The following COMMD10 variants were observed in gnomAD, a reference collection of about 807,000 sequenced individuals.
The protein encoded by COMMD10 is COMM domain containing 10, also known as COMM domain-containing protein 10.
Under a neutral mutation model 28.9 loss-of-function variants are expected in COMMD10, and 33 were observed. The observed-to-expected ratio is 1.14, with a 90% CI of 0.87 to 1.53. The LOEUF (loss-of-function observed/expected upper bound fraction) is 1.53. COMMD10 is among the 40% of genes most tolerant of loss of function. The pLI is 0.00. For synonymous variants in COMMD10, 110 were observed against 81.7 expected, an observed-to-expected ratio of 1.35 and a Z score of -1.87; for missense variants, 310 against 233.4, an observed-to-expected ratio of 1.33 and a Z score of -2.14.
chr5:116,233,413 A>ATG (rs1198064445), intron 5 of COMMD10, among the ~76,000 whole-genome samples: 3 of 152,198 alleles, frequency 2.0e-5, no homozygotes, highest in Non-Finnish European at 2.9e-5. Flanking sequence ...AGGACTTGAA[A>ATG]TATATCTCCC....
intron 4 of COMMD10, among the ~76,000 whole-genome samples, chr5:116,103,161 T>A (rs193128274): frequency 1.3e-5 from 2 of 152,318 alleles, no homozygotes; most frequent in African/African-American, 4.8e-5. Flanking sequence ...GTAGAATGAT[T>A]TATAATCCTT....
chr5:116,112,406 C>T (rs1026363192), intron 4 of COMMD10, among the ~76,000 whole-genome samples: 3 of 150,006 alleles, frequency 2.0e-5, no homozygotes, highest in African/African-American at 7.4e-5. Context: ...GATTTTTTTT[C>T]TTTTTTTTTG....
chr5:116,123,812 C>T (rs985779827), intron 4 of COMMD10, among the ~76,000 whole-genome samples: 2 of 151,918 alleles, frequency 1.3e-5, no homozygotes, highest in Non-Finnish European at 2.9e-5. Flanking sequence ...GTGTATGTGT[C>T]CAGGAATTTA....
chr5:116,166,235 T>C (rs1442576633), intron 5 of COMMD10, among the ~76,000 whole-genome samples: 1 of 78,232 alleles, frequency 1.3e-5, no homozygotes, highest in East Asian at 3.1e-4. Context: ...GATGCAAAGA[T>C]TGTTTTTTAT....
intron 5 of COMMD10, among the ~76,000 whole-genome samples, chr5:116,200,790 C>G (rs1280672229): frequency 6.6e-6 from 1 of 151,988 alleles, no homozygotes; most frequent in African/African-American, 2.4e-5. Flanking sequence ...CTTGTACTTC[C>G]CATCTGTTAT....
intron 5 of COMMD10, among the ~76,000 whole-genome samples, chr5:116,179,403 A>T (rs1277695250): frequency 6.6e-6 from 1 of 152,098 alleles, no homozygotes; most frequent in African/African-American, 2.4e-5. Context: ...CAGACTAAGA[A>T]CGCAGGTTTC....
chr5:116,236,116 G>T (rs1220337619), intron 5 of COMMD10, among the ~76,000 whole-genome samples: 1 of 151,970 alleles, frequency 6.6e-6, no homozygotes, highest in Non-Finnish European at 1.5e-5. Flanking sequence ...AGGAGGAAAT[G>T]TAGATAACCT....
intron 4 of COMMD10, among the ~76,000 whole-genome samples, chr5:116,097,683 G>T (rs1202547077): frequency 1.3e-5 from 2 of 152,144 alleles, no homozygotes; most frequent in Non-Finnish European, 2.9e-5. Flanking sequence ...CCACGGTTCT[G>T]CAGGCTGTAC....
At chr5:116,252,131 C>T (rs1053206424) in intron 5 of COMMD10, among the ~76,000 whole-genome samples, 1 of 147,670 alleles carries the variant, frequency 6.8e-6, no homozygotes, top group Non-Finnish European at 1.5e-5. Context: ...CCTTTGCCCA[C>T]TTTTTGATGG....
At chr5:116,165,605 T>G (rs567638732) in intron 5 of COMMD10, among the ~76,000 whole-genome samples, 107 of 151,854 alleles carry the variant, frequency 7.0e-4, no homozygotes, top group African/African-American at 2.6e-3. Flanking sequence ...TGTGTGTGTG[T>G]GGGTGTATCT....
intron 5 of COMMD10, among the ~76,000 whole-genome samples, chr5:116,273,149 C>G (rs1164662389): frequency 6.6e-6 from 1 of 151,744 alleles, no homozygotes; most frequent in Admixed American, 6.6e-5. Context: ...AAATGAATGT[C>G]CTATCCTTCT....
intron 4 of COMMD10, among the ~76,000 whole-genome samples, chr5:116,112,905 C>G (rs1158280497): frequency 1.3e-5 from 2 of 151,890 alleles, no homozygotes; most frequent in Non-Finnish European, 2.9e-5. Flanking sequence ...TGTATGATAT[C>G]TTTACTAGTG....
intron 1 of COMMD10, among the ~76,000 whole-genome samples, chr5:116,087,226 G>A (rs927869481): frequency 2.0e-5 from 3 of 152,048 alleles, no homozygotes; most frequent in African/African-American, 7.2e-5. Flanking sequence ...TCTTCCCTGC[G>A]CAGTACAAGG....
At chr5:116,239,315 C>A (rs942185913) in intron 5 of COMMD10, among the ~76,000 whole-genome samples, 1 of 152,110 alleles carries the variant, frequency 6.6e-6, no homozygotes, top group Non-Finnish European at 1.5e-5. Context: ...GATTTCTCTT[C>A]AAAGAAGCCT....
At chr5:116,147,869 A>G (rs1263505846) in intron 5 of COMMD10, among the ~76,000 whole-genome samples, 1 of 151,928 alleles carries the variant, frequency 6.6e-6, no homozygotes, top group Non-Finnish European at 1.5e-5. Flanking sequence ...TTTAATTGGC[A>G]TATATCTTTC....
intron 6 of COMMD10, 76 bp downstream of exon 6, chr5:116,291,652 T>A (rs1751365224): frequency 2.5e-6 from 2 of 807,694 alleles, no homozygotes; most frequent in African/African-American, 3.6e-5. Flanking sequence ...TGAATTCTTA[T>A]TTTTAAATGT....
chr5:116,149,258 T>A (rs1235724464), intron 5 of COMMD10, among the ~76,000 whole-genome samples: 4 of 144,226 alleles, frequency 2.8e-5, no homozygotes, highest in Admixed American at 6.8e-5. Context: ...TCTATCATTG[T>A]TGGACATTTG....
intron 5 of COMMD10, among the ~76,000 whole-genome samples, chr5:116,240,325 T>A (rs553718198): frequency 6.6e-6 from 1 of 152,026 alleles, no homozygotes; most frequent in African/African-American, 2.4e-5. Context: ...GAGAAAAGAA[T>A]GGAGGCAAAG....
chr5:116,153,303 A>AG (rs113954695), intron 5 of COMMD10, among the ~76,000 whole-genome samples: 124,629 of 151,824 alleles, frequency 0.82, 51,324 homozygotes, highest in African/African-American at 0.84. Context: ...AGTGTGGGTC[A>AG]GGCTCATTTG....
Sources: allele counts gnomAD v4.1 joint callset (sites outside exome capture counted in the v4.1 genomes callset), GRCh38; gene constraint gnomAD v4.1.1; transcripts MANE v1.5; gene names NCBI Gene and HGNC (gene_info 2026-07-23, HGNC 2026-07-21).